Variants in SLC30A5 observed in about 807,000 individuals in gnomAD.
SLC30A5 encodes solute carrier family 30 member 5.
In SLC30A5, 33 loss-of-function variants were observed where a neutral mutation model predicts 79.6. That is an observed-to-expected ratio of 0.41 (90% CI 0.31 to 0.55). The LOEUF is 0.55. Ranked by LOEUF, SLC30A5 falls within the 20% of genes least tolerant of loss-of-function variation. The pLI is 0.20. For synonymous variants in SLC30A5, 299 were observed against 319.7 expected (o/e 0.94, Z 0.69); for missense variants, 788 against 928.1 (o/e 0.85, Z 1.96).
At chr5:69,127,669 T>A (rs776901803) in intron 14 of SLC30A5, among the ~76,000 whole-genome samples, 1 of 151,666 alleles carries the variant, frequency 6.6e-6, no homozygotes, top group Non-Finnish European at 1.5e-5. Context: ...AAAATAAAGA[T>A]ACCTGTAACA....
At chr5:69,114,254 A>ATTTTG (rs1024873516) in intron 6 of SLC30A5, among the ~76,000 whole-genome samples, 166 bp from the exon 7 acceptor site, 1 of 152,116 alleles carries the variant, frequency 6.6e-6, no homozygotes, top group Non-Finnish European at 1.5e-5. Context: ...AGATTGTTTT[A>ATTTTG]TTTTGTTTTG....
At chr5:69,128,654 TTTAGAGGA>T (rs551139821) in intron 15 of SLC30A5, among the ~76,000 whole-genome samples, 1 of 152,296 alleles carries the variant, frequency 6.6e-6, no homozygotes, top group African/African-American at 2.4e-5. Context: ...AAGTTTTGTG[TTTAGAGGA>T]TAAGCTTTAA....
chr5:69,102,510 A>T (rs949520045), intron 2 of SLC30A5: 1 of 152,220 alleles, frequency 6.6e-6, no homozygotes, highest in African/African-American at 2.4e-5. Context: ...ATATAAAAAA[A>T]ATTGTGACTC....
At chr5:69,100,496 C>T (rs778083021) in intron 1 of SLC30A5, among the ~76,000 whole-genome samples, 2 of 151,684 alleles carry the variant, frequency 1.3e-5, no homozygotes, top group Admixed American at 6.6e-5. Context: ...AACAGTAGGG[C>T]GCGGTGGCTC....
intron 12 of SLC30A5, 125 bp downstream of exon 12, chr5:69,118,753 C>A: frequency 8.7e-6 from 5 of 577,426 alleles, no homozygotes; most frequent in Non-Finnish European, 1.4e-5. Context: ...ATCAACATAA[C>A]TTCCTATCTT....
intron 12 of SLC30A5, among the ~76,000 whole-genome samples, chr5:69,119,785 C>T (rs902215896): frequency 6.6e-6 from 1 of 151,680 alleles, no homozygotes; most frequent in Non-Finnish European, 1.5e-5. Context: ...TTTGGGAGGC[C>T]GAGGTGGTTG....
rs1746737792 is a variant in SLC30A5, at chr5:69,127,610, C to T, written c.1999-394C>T. ...AGTGAGCCAAGATGGTGCCACTGCA[C>T]TCCAGCCTGCGACAGAGCAAGACTG... On this transcript the variant is annotated intron_variant, in intron 14 of 15. Transcript: ENST00000396591. 2.6e-5 allele frequency among the ~76,000 whole-genome samples: 4 copies of T among 152,144 alleles called. No homozygotes were observed. The South Asian group carries it at 8.3e-4, about 32-fold the overall frequency.
chr5:69,107,041 C>G (rs770090472), intron 4 of SLC30A5, among the ~76,000 whole-genome samples: 3 of 151,842 alleles, frequency 2.0e-5, no homozygotes, highest in Non-Finnish European at 4.4e-5. Flanking sequence ...ACTTTTGTAT[C>G]TTTTTTGATA....
chr5:69,112,947 CTT>C (rs1471053841), intron 5 of SLC30A5, among the ~76,000 whole-genome samples, 191 bp from the exon 6 acceptor site: 4 of 152,128 alleles, frequency 2.6e-5, no homozygotes, highest in African/African-American at 7.2e-5. Flanking sequence ...GTTTATATCT[CTT>C]TGATATCTTA....
chr5:69,100,682 T>C, intron 1 of SLC30A5, 125 bp from the exon 2 acceptor site: 3 of 736,156 alleles, frequency 4.1e-6, no homozygotes, highest in Non-Finnish European at 6.5e-6. Context: ...GACTCTGTTT[T>C]GTTTCATTTT....
chr5:69,129,524 G>C lies in SLC30A5; in HGVS notation c.2205G>C (p.Met735Ile). The C allele has an allele frequency of 1.2e-6, 2 of 1,613,636 alleles. No individual in the cohort carries two copies. The highest frequency in any genetic ancestry group is 1.7e-6 in the Non-Finnish European group (2 of 1,179,796). Residue 735 changes from methionine to isoleucine, a missense_variant, in exon 16 of 16, where the codon ATG (methionine) becomes ATC (isoleucine). By Grantham distance (10) the Met-to-Ile change is conservative. Transcript: ENST00000396591. ...QVEKEAYFQHMSGLSTGFHDV... is the reference protein window; with the variant it reads ...QVEKEAYFQHISGLSTGFHDV... ...AAAAGGAGGCATACTTTCAACATAT[G>C]TCTGGCCTAAGTACTGGATTTCATG...
intron 12 of SLC30A5, among the ~76,000 whole-genome samples, chr5:69,119,740 C>T (rs533047341): frequency 3.4e-4 from 52 of 152,110 alleles, no homozygotes; most frequent in Admixed American, 1.6e-3. Context: ...ATGACTCTGG[C>T]CGGGTGCAGT....
intron 11 of SLC30A5, among the ~76,000 whole-genome samples, chr5:69,117,914 G>A (rs944250784): frequency 1.1e-4 from 17 of 149,466 alleles, no homozygotes; most frequent in Admixed American, 3.4e-4. Context: ...GGTGGCTCAC[G>A]CCTGTAATCC....
At chr5:69,103,431 A>G (rs1745989455) in intron 3 of SLC30A5, among the ~76,000 whole-genome samples, 1 of 152,212 alleles carries the variant, frequency 6.6e-6, no homozygotes, top group Non-Finnish European at 1.5e-5. Flanking sequence ...AGCATGCCCA[A>G]GAGCCTAGTA....
chr5:69,119,226 T>C (rs1746470827), intron 12 of SLC30A5, among the ~76,000 whole-genome samples: 1 of 152,142 alleles, frequency 6.6e-6, no homozygotes, highest in Non-Finnish European at 1.5e-5. Context: ...TTATGTGAAA[T>C]ACTTTTTTTC....
In SLC30A5 at chr5:69,104,782, C is replaced by T. The variant is rs1746037785; in HGVS notation, c.359+66C>T. ...TTCATTTTGAATATTATTTTTGTTC[C>T]ACTGTGTTTTACGTCAAATATTTAT... On this transcript the variant is annotated intron_variant, in intron 4 of 15. Coordinates refer to ENST00000396591, the MANE Select transcript of SLC30A5 (RefSeq NM_022902.5). 6 of 1,499,960 alleles carry T rather than the reference C, an allele frequency of 4.0e-6. No homozygotes were observed. In the South Asian group the frequency reaches 4.8e-5, roughly 12 times the overall value. 92.9% of individuals were successfully genotyped at this position (1,499,960 alleles called of 1,614,324 possible). A position where few individuals can be genotyped will look rare whatever the true frequency, so the allele number is the denominator to read the frequency against.
Position 69,103,076 on chromosome 5 carries a change from T to C in SLC30A5, c.221T>C (p.Met74Thr). 1.3e-6 allele frequency: 2 copies of C among 1,565,184 alleles called. No individual in the cohort carries two copies. Among genetic ancestry groups the C allele is most frequent in the Non-Finnish European group, 1.8e-6 (2 of 1,139,820 alleles). The change falls in exon 3 of 16, where the codon ATG becomes ACG. Residue 74 changes from methionine (M) to threonine (T), a missense_variant. Around this residue, in one of 3 missense-constraint regions of SLC30A5, gnomAD observed 626 missense variants for 755.5 expected, o/e 0.83. Coordinates refer to ENST00000396591, the MANE Select transcript of SLC30A5 (RefSeq NM_022902.5). ...FILKLGTAFFMVLFQKPFSSG... is the reference protein window; with the variant it reads ...FILKLGTAFFTVLFQKPFSSG... The stretch of plus-strand genomic sequence containing the variant: ...AATATTTACAGGACTGCATTTTTTA[T>C]GGTTTTGTTTCAAAAGCCATTTTCT...
rs142696599 is a variant in SLC30A5, at chr5:69,108,378, T to C, written c.389T>C (p.Ile130Thr). 18 of 1,613,852 alleles carry C rather than the reference T, an allele frequency of 1.1e-5. No homozygotes were observed. The highest frequency in any genetic ancestry group is 1.4e-5 in the Non-Finnish European group (17 of 1,179,800). ...RTLLLFEHSD[I>T]VVISLLSVLF... ...TTGCTGCTATTTGAGCACAGTGATATTGTTGTCATTTCACTACTCAGTGTT... is the reference window on the plus strand; with the variant it reads ...TTGCTGCTATTTGAGCACAGTGATACTGTTGTCATTTCACTACTCAGTGTT... The change falls in exon 5 of 16, where the codon ATT (isoleucine) becomes ACT (threonine). Residue 130 changes from isoleucine (I) to threonine (T), a missense_variant. By Grantham distance (89) the Ile-to-Thr change is moderately conservative. Transcript: ENST00000396591.
At position 69,122,627 on chromosome 5, in the gene SLC30A5, C is replaced by G. The variant is rs374028914; in HGVS notation, c.1772-572C>G. On this transcript the variant is annotated intron_variant, in intron 13 of 15. Coordinates refer to ENST00000396591, the MANE Select transcript of SLC30A5 (RefSeq NM_022902.5). ...CAAGATTACGCCACTTTACTCCAGCCTGGGCAACAGAGTGAGACTCTATCC... is the reference window on the plus strand; with the variant it reads ...CAAGATTACGCCACTTTACTCCAGCGTGGGCAACAGAGTGAGACTCTATCC... Among the ~76,000 whole-genome samples, 4 of 152,222 alleles carry G rather than the reference C, an allele frequency of 2.6e-5. No homozygotes were observed. In the East Asian group the frequency reaches 5.8e-4, roughly 22 times the overall value.
Sources: allele counts gnomAD v4.1 joint callset (sites outside exome capture counted in the v4.1 genomes callset), GRCh38; gene constraint gnomAD v4.1.1; regional missense constraint gnomAD v4.1.1; transcripts MANE v1.5; gene names NCBI Gene and HGNC (gene_info 2026-07-23, HGNC 2026-07-21).